Variants in ACCSL observed in about 807,000 individuals in gnomAD.
ACCSL encodes the protein probable inactive 1-aminocyclopropane-1-carboxylate synthase-like protein 2.
ACCSL carries 55 observed loss-of-function variants against 61.7 expected under a neutral mutation model. That is an observed-to-expected ratio of 0.89 (90% CI 0.72 to 1.12). ACCSL has a LOEUF of 1.12. Ranked by LOEUF, ACCSL falls within the 50% of genes most tolerant of loss-of-function variation. ACCSL has a pLI of 0.00. For synonymous variants in ACCSL, 258 were observed against 264.3 expected (o/e 0.98, Z 0.23); for missense variants, 632 against 698.0 (o/e 0.91, Z 1.07).
chr11:43,971,251 T>C, the ACCSL span, among the ~76,000 whole-genome samples: 1 of 147,786 alleles, frequency 6.8e-6, no homozygotes, highest in Non-Finnish European at 1.5e-5. Flanking sequence ...GAGAATGGCA[T>C]TCCAGCCTGG....
the ACCSL span, among the ~76,000 whole-genome samples, chr11:44,026,812 C>A: frequency 6.6e-6 from 1 of 152,234 alleles, no homozygotes; most frequent in African/African-American, 2.4e-5. Context: ...TCACTGCAAC[C>A]TCCGCCTCCT....
chr11:43,998,993 T>A, the ACCSL span, among the ~76,000 whole-genome samples: 1 of 152,208 alleles, frequency 6.6e-6, no homozygotes, highest in Non-Finnish European at 1.5e-5. Flanking sequence ...TTTTGAGTCA[T>A]ACAGACCTGA....
the ACCSL span, among the ~76,000 whole-genome samples, chr11:43,928,669 G>A: frequency 1.3e-5 from 2 of 152,206 alleles, no homozygotes; most frequent in Non-Finnish European, 2.9e-5. Flanking sequence ...GGACGCAGGA[G>A]CTGGGCAGCG....
chr11:44,010,078 T>C, the ACCSL span, among the ~76,000 whole-genome samples: 1 of 152,202 alleles, frequency 6.6e-6, no homozygotes, highest in Non-Finnish European at 1.5e-5. Flanking sequence ...CAATGGCTCA[T>C]GCCTGTAATC....
chr11:43,921,690 T>G, the ACCSL span, among the ~76,000 whole-genome samples: 3,956 of 152,274 alleles, frequency 0.026, 177 homozygotes, highest in African/African-American at 0.091. Flanking sequence ...GATCTCCCCG[T>G]GTGGCAGCTG....
chr11:43,946,043 AG>A, the ACCSL span, among the ~76,000 whole-genome samples: 1 of 152,154 alleles, frequency 6.6e-6, no homozygotes. Flanking sequence ...AGAGGTGCTG[AG>A]GAAAATCCAT....
chr11:43,947,417 C>A, the ACCSL span, among the ~76,000 whole-genome samples: 1 of 152,164 alleles, frequency 6.6e-6, no homozygotes, highest in African/African-American at 2.4e-5. Context: ...GGGCTCAGCT[C>A]CTCCCTGTGC....
At chr11:43,928,567 C>T in the ACCSL span, among the ~76,000 whole-genome samples, 1 of 152,298 alleles carries the variant, frequency 6.6e-6, no homozygotes, top group Non-Finnish European at 1.5e-5. Context: ...AGGAGGATCG[C>T]TGCCTCCCTT....
In ACCSL at chr11:44,054,469, T is replaced by C. The variant is rs562484006; in HGVS notation, c.1050-733T>C. 2.3e-3 allele frequency among the ~76,000 whole-genome samples: 352 copies of C among 151,612 alleles called. 2 individuals carry two copies. The highest frequency in any genetic ancestry group is 8.2e-3 in the African/African-American group (337 of 41,186). On this transcript the variant is annotated intron_variant, in intron 8 of 13. Transcript: ENST00000378832. The stretch of plus-strand genomic sequence containing the variant: ...TTTCTTTTTTTTTTTTGTTTTTTGT[T>C]TTTTTGAGATGGAGTCTCGCTCTGT...
At chr11:44,029,155 T>A in the ACCSL span, among the ~76,000 whole-genome samples, 1 of 152,230 alleles carries the variant, frequency 6.6e-6, no homozygotes, top group Non-Finnish European at 1.5e-5. Context: ...CTAAATTAGA[T>A]CTAGTCTTCT....
At chr11:43,942,884 C>A in the ACCSL span, 2 of 1,318,556 alleles carry the variant, frequency 1.5e-6, no homozygotes, top group South Asian at 4.0e-5. Context: ...GCCGCCCGGC[C>A]CCGCAGACGC....
At position 44,056,241 on chromosome 11, in the gene ACCSL, G is replaced by A. The variant is rs752848786; in HGVS notation, c.1242G>A (p.Val414=). ...FGALYTHNKE[V]ASAVSAFGYL... ...CTCTGTATACCCACAACAAGGAGGT[G>A]GCCTCTGCTGTGAGTGCCTTTGGCT... Residue 414 remains valine, a synonymous_variant, in exon 11 of 14, where the codon GTG becomes GTA. Transcript: ENST00000378832. The A allele has an allele frequency of 1.2e-6, 2 of 1,614,176 alleles. No individual in the cohort carries two copies. The highest frequency in any genetic ancestry group is 1.7e-6 in the Non-Finnish European group (2 of 1,180,040).
At chr11:44,013,045 G>T in the ACCSL span, among the ~76,000 whole-genome samples, 4 of 152,184 alleles carry the variant, frequency 2.6e-5, no homozygotes, top group Non-Finnish European at 4.4e-5. Context: ...TGTGATATAT[G>T]AACAGGGTCT....
the ACCSL span, among the ~76,000 whole-genome samples, chr11:44,023,969 G>A: frequency 6.6e-6 from 1 of 152,034 alleles, no homozygotes; most frequent in Non-Finnish European, 1.5e-5. Flanking sequence ...ATTTTCTGTT[G>A]TTATTGTGAT....
chr11:43,922,973 C>T, the ACCSL span, among the ~76,000 whole-genome samples: 2 of 152,180 alleles, frequency 1.3e-5, no homozygotes, highest in Non-Finnish European at 2.9e-5. Flanking sequence ...CACATTGATC[C>T]ATCATTAACC....
At chr11:43,975,526 A>G in the ACCSL span, among the ~76,000 whole-genome samples, 1 of 152,192 alleles carries the variant, frequency 6.6e-6, no homozygotes, top group Admixed American at 6.5e-5. Context: ...TATAGCTACT[A>G]AGAAGCTCAA....
At chr11:43,961,226 T>G in the ACCSL span, among the ~76,000 whole-genome samples, 1 of 152,180 alleles carries the variant, frequency 6.6e-6, no homozygotes, top group Non-Finnish European at 1.5e-5. Flanking sequence ...TCTTTGTGAC[T>G]GAAAATTTCA....
chr11:43,986,650 A>G, the ACCSL span, among the ~76,000 whole-genome samples: 1 of 152,030 alleles, frequency 6.6e-6, no homozygotes, highest in African/African-American at 2.4e-5. Flanking sequence ...TTTCCTTCTT[A>G]TTTTCTGGGA....
At position 44,058,349 on chromosome 11, in the gene ACCSL, T is replaced by C; in HGVS notation, c.1360T>C (p.Cys454Arg). The change falls in exon 12 of 14, where the codon TGC (cysteine) becomes CGC (arginine). Residue 454 changes from cysteine to arginine, a missense_variant. Transcript: ENST00000378832. ...TGACAAAGTATACCTACCCACCAAT[T>C]GCTACCGGCTCCGGGAAGCTCACAA... ...WIDKVYLPTN[C>R]YRLREAHKYI... 1.2e-6 allele frequency: 2 copies of C among 1,614,140 alleles called. No homozygotes were observed. Among genetic ancestry groups the C allele is most frequent in the Non-Finnish European group, 1.7e-6 (2 of 1,180,034 alleles).
Sources: gnomAD v4.1 joint callset for allele counts (sites outside exome capture counted in the v4.1 genomes callset) on GRCh38, gnomAD v4.1.1 for gene constraint, MANE v1.5 for transcripts, NCBI Gene and HGNC (gene_info 2026-07-23, HGNC 2026-07-21) for gene names.